GRK5: variants seen among roughly 807,000 people sequenced by gnomAD.
GRK5 encodes g protein-coupled receptor kinase GRK5.
Under a neutral mutation model 78.4 loss-of-function variants are expected in GRK5, and 40 were observed. The ratio of observed to expected loss-of-function variants is 0.51; its 90% CI spans 0.40 to 0.66. The LOEUF (loss-of-function observed/expected upper bound fraction) is 0.66, where lower values mean the gene tolerates loss of function less well. GRK5 is among the 30% of genes least tolerant of loss of function. The pLI is 0.00. For synonymous variants in GRK5, 289 were observed against 296.8 expected, an observed-to-expected ratio of 0.97 and a Z score of 0.27; for missense variants, 598 against 759.9, an observed-to-expected ratio of 0.79 and a Z score of 2.50.
intron 2 of GRK5, among the ~76,000 whole-genome samples, chr10:119,366,403 A>G (rs535081040): frequency 6.6e-6 from 1 of 152,284 alleles, no homozygotes; most frequent in South Asian, 2.1e-4. Flanking sequence ...TGGGGAGGCA[A>G]GGCCAGCTCT....
chr10:119,264,358 G>A lies in GRK5; in HGVS notation c.52+56389G>A, dbSNP rs958000466. 6.6e-5 allele frequency among the ~76,000 whole-genome samples: 10 copies of A among 152,184 alleles called. No homozygotes were observed. The highest frequency in any genetic ancestry group is 2.4e-4 in the African/African-American group (10 of 41,436). ...ATGTGCTTGGGAAGTTGAGTCCTGG[G>A]TGGGGCTCAAGTCCTACCATCTGGT... is the stretch of plus-strand genomic sequence containing the variant. On this transcript the variant is annotated intron_variant, in intron 1 of 15. Transcript: ENST00000392870. The surrounding 1 kb of genome is among the most constrained non-coding windows in gnomAD (Gnocchi z 4.1).
intron 1 of GRK5, among the ~76,000 whole-genome samples, chr10:119,293,831 T>C (rs968786627): frequency 6.6e-6 from 1 of 152,170 alleles, no homozygotes; most frequent in African/African-American, 2.4e-5. Flanking sequence ...CAATACTCTA[T>C]TGTTACGTTA....
At chr10:119,447,346 A>G (rs556293115) in intron 12 of GRK5, among the ~76,000 whole-genome samples, 30 of 151,792 alleles carry the variant, frequency 2.0e-4, no homozygotes, top group African/African-American at 2.9e-4. Flanking sequence ...AGGATCCTCT[A>G]TCATCTCTCC....
chr10:119,305,683 G>C (rs1349852293), intron 1 of GRK5, among the ~76,000 whole-genome samples: 10 of 152,192 alleles, frequency 6.6e-5, no homozygotes, highest in Admixed American at 6.5e-4. Flanking sequence ...CTCCCCGGGA[G>C]ACACGTGTAA....
chr10:119,446,759 C>T (rs1853157422), intron 12 of GRK5, among the ~76,000 whole-genome samples: 1 of 152,196 alleles, frequency 6.6e-6, no homozygotes, highest in South Asian at 2.1e-4. Context: ...CTGGTGCTGG[C>T]CCTGATGCCA....
At chr10:119,389,132 A>T (rs975807890) in intron 3 of GRK5, among the ~76,000 whole-genome samples, 1 of 152,258 alleles carries the variant, frequency 6.6e-6, no homozygotes, top group African/African-American at 2.4e-5. Context: ...GACTACAAAT[A>T]TGAGGTTACA....
chr10:119,329,573 A>T (rs980811178), intron 2 of GRK5, among the ~76,000 whole-genome samples: 41 of 152,228 alleles, frequency 2.7e-4, no homozygotes, highest in African/African-American at 9.9e-4. Context: ...TCTACTAGAA[A>T]TACAAAATTA....
In GRK5 at chr10:119,326,622, C is replaced by T. The variant is rs916437484; in HGVS notation, c.148+11C>T. The T allele has an allele frequency of 6.2e-7, 1 of 1,600,002 alleles. No individual in the cohort carries two copies. The highest frequency in any genetic ancestry group is 1.3e-5 in the African/African-American group (1 of 74,708). ...TCCGAAGGACCATAGGTAAGCTGTCCTGCCTGGGGGCTGTGCGGGGAGTGA... is the reference window on the plus strand; with the variant it reads ...TCCGAAGGACCATAGGTAAGCTGTCTTGCCTGGGGGCTGTGCGGGGAGTGA... On this transcript the variant is annotated intron_variant, in intron 2 of 15. Transcript: ENST00000392870.
At chr10:119,443,382 C>T (rs79454139) in intron 11 of GRK5, among the ~76,000 whole-genome samples, 162 bp from the exon 12 acceptor site, 1 of 152,308 alleles carries the variant, frequency 6.6e-6, no homozygotes, top group South Asian at 2.1e-4. Flanking sequence ...CCTTCGGGGG[C>T]ACAGAGGAGA....
rs560718240 is a variant in GRK5, at chr10:119,399,269, C to T, written c.339+2497C>T. ...GATCCATGCCTTGGGTCAGCTGTTT[C>T]CCTACAATAAACTTTGCACTGCTTT... is the stretch of plus-strand genomic sequence containing the variant. On this transcript the variant is annotated intron_variant, in intron 4 of 15. Coordinates refer to ENST00000392870, the MANE Select transcript of GRK5 (RefSeq NM_005308.3). Among the ~76,000 whole-genome samples, 163 of 152,348 alleles carry T rather than the reference C, an allele frequency of 1.1e-3. 1 individual carries two copies. Among genetic ancestry groups the T allele is most frequent in the African/African-American group, 3.8e-3 (158 of 41,574 alleles).
intron 1 of GRK5, among the ~76,000 whole-genome samples, chr10:119,311,942 G>A (rs1345719507): frequency 2.1e-5 from 3 of 142,668 alleles, no homozygotes; most frequent in Non-Finnish European, 4.5e-5. Flanking sequence ...TTGAGACGGA[G>A]TCTCACTCTG....
chr10:119,354,079 G>A (rs961430901), intron 2 of GRK5, among the ~76,000 whole-genome samples: 1 of 151,282 alleles, frequency 6.6e-6, no homozygotes, highest in African/African-American at 2.4e-5. Context: ...GATAAGTTCT[G>A]AATTCTGAAA....
intron 2 of GRK5, among the ~76,000 whole-genome samples, chr10:119,368,482 C>G (rs1212571303): frequency 6.6e-6 from 1 of 152,198 alleles, no homozygotes; most frequent in Non-Finnish European, 1.5e-5. Context: ...TGTGATGTCT[C>G]CATTCCCACC....
chr10:119,320,830 C>A (rs1045745625), intron 1 of GRK5, among the ~76,000 whole-genome samples: 1 of 152,124 alleles, frequency 6.6e-6, no homozygotes, highest in Non-Finnish European at 1.5e-5. Context: ...GACCTGAGCA[C>A]GGGGGAGGTG....
In GRK5 at chr10:119,217,435, T is replaced by C. The variant is rs1404447776; in HGVS notation, c.52+9466T>C. On this transcript the variant is annotated intron_variant, in intron 1 of 15. Coordinates refer to ENST00000392870, the MANE Select transcript of GRK5 (RefSeq NM_005308.3). This position sits in a 1 kb window ranked among gnomAD's most constrained non-coding sequence, Gnocchi z 4.1. ...CCATACATAAGTGCCTGTACACACA[T>C]AAGCACATGTGTACGTATGTGGTAT... 1.3e-5 allele frequency among the ~76,000 whole-genome samples: 2 copies of C among 152,246 alleles called. No homozygotes were observed. The highest frequency in any genetic ancestry group is 4.8e-5 in the African/African-American group (2 of 41,470).
chr10:119,300,084 T>G (rs1850149780), intron 1 of GRK5, among the ~76,000 whole-genome samples: 1 of 152,084 alleles, frequency 6.6e-6, no homozygotes, highest in African/African-American at 2.4e-5. Context: ...TGCAAAAGGC[T>G]TGGTGGGGAT....
intron 3 of GRK5, among the ~76,000 whole-genome samples, chr10:119,394,026 T>C (rs1293866606): frequency 6.8e-6 from 1 of 147,302 alleles, no homozygotes; most frequent in Non-Finnish European, 1.5e-5. Flanking sequence ...CGGGTGTGTT[T>C]GTGTGGATGG....
Position 119,291,196 on chromosome 10 carries a change from G to A in GRK5, c.53-35320G>A, listed in dbSNP as rs565882323. On this transcript the variant is annotated intron_variant, in intron 1 of 15. Coordinates refer to ENST00000392870, the MANE Select transcript of GRK5 (RefSeq NM_005308.3). ...TTTTTCTCCATGATCTTCATGTTTC[G>A]TGTAGACTGATCCCTTCTACTTTCT... Among the ~76,000 whole-genome samples, 6 of 152,268 alleles carry A rather than the reference G, an allele frequency of 3.9e-5. No homozygotes were observed. The East Asian group carries it at 5.8e-4, about 15-fold the overall frequency.
At chr10:119,230,674 CAA>C (rs1360864938) in intron 1 of GRK5, among the ~76,000 whole-genome samples, 1 of 151,520 alleles carries the variant, frequency 6.6e-6, no homozygotes, top group Non-Finnish European at 1.5e-5. Context: ...CCCATCTCTA[CAA>C]AAAATAAAAA....
Sources: allele counts gnomAD v4.1 joint callset (sites outside exome capture counted in the v4.1 genomes callset), GRCh38; gene constraint gnomAD v4.1.1; non-coding constraint Gnocchi (gnomAD v3.1); transcripts MANE v1.5; gene names NCBI Gene and HGNC (gene_info 2026-07-23, HGNC 2026-07-21).